Variants in VIT observed in about 807,000 individuals in gnomAD.
The protein encoded by VIT is vitrin.
Under a neutral mutation model 78.0 loss-of-function variants are expected in VIT, and 99 were observed. The observed-to-expected ratio is 1.27, with a 90% CI of 1.08 to 1.50. The LOEUF (loss-of-function observed/expected upper bound fraction) is 1.50, where lower values mean the gene tolerates loss of function less well. Among genes scored for constraint, VIT ranks in the 40% most tolerant of loss-of-function variants. The pLI is 0.00. For missense variants in VIT, 1,126 were observed against 875.3 expected, an observed-to-expected ratio of 1.29 and a Z score of -3.61; for synonymous variants, 374 against 334.3, an observed-to-expected ratio of 1.12 and a Z score of -1.29.
intron 1 of VIT, among the ~76,000 whole-genome samples, chr2:36,705,911 C>G (rs1665388829): frequency 1.3e-5 from 2 of 152,204 alleles, no homozygotes; most frequent in Non-Finnish European, 2.9e-5. Context: ...TATCTCCACT[C>G]TGGCCTCCAC....
At chr2:36,727,623 C>T (rs766914521) in intron 2 of VIT, among the ~76,000 whole-genome samples, 3 of 152,212 alleles carry the variant, frequency 2.0e-5, no homozygotes, top group Non-Finnish European at 4.4e-5. Flanking sequence ...TCAGCAGGGG[C>T]TGAGAAAAGT....
intron 15 of VIT, among the ~76,000 whole-genome samples, chr2:36,809,531 C>T (rs28535910): frequency 0.073 from 11,046 of 152,226 alleles, 441 homozygotes; most frequent in African/African-American, 0.11. Flanking sequence ...AATTCTCCTG[C>T]CTCAGCCTCC....
chr2:36,784,021 A>C (rs1664933708), intron 11 of VIT, among the ~76,000 whole-genome samples: 1 of 152,224 alleles, frequency 6.6e-6, no homozygotes, highest in Non-Finnish European at 1.5e-5. Flanking sequence ...CTATGGTTCG[A>C]AACCGAGGCT....
In VIT at chr2:36,808,576, C is replaced by CAGG. The variant is rs1558594707; in HGVS notation, c.1494_1495insAGG (p.Arg498dup). On this transcript the variant is annotated inframe_insertion, in exon 15 of 16. Transcript: ENST00000379242. Reference sequence around the variant, plus strand: ...TGAAGCGGGTCTGCGACACTGACCGCCTGGCCTGCAGCAAGACCTGCTTGA... The same window carrying CAGG: ...TGAAGCGGGTCTGCGACACTGACCGCAGGCTGGCCTGCAGCAAGACCTGCTTGA... 3.1e-6 allele frequency: 5 copies of CAGG among 1,614,042 alleles called. No individual in the cohort carries two copies. In the Admixed American group the frequency reaches 8.3e-5, roughly 27 times the overall value.
chr2:36,708,172 C>A (rs551811437), intron 1 of VIT, among the ~76,000 whole-genome samples: 1 of 151,550 alleles, frequency 6.6e-6, no homozygotes, highest in Non-Finnish European at 1.5e-5. Flanking sequence ...AACCCACATC[C>A]ACTGACAAGC....
chr2:36,799,991 T>A (rs879609601), intron 12 of VIT, among the ~76,000 whole-genome samples: 4 of 145,852 alleles, frequency 2.7e-5, no homozygotes, highest in Non-Finnish European at 4.4e-5. Flanking sequence ...GAGACTGCAG[T>A]GAGCCAAGAT....
intron 9 of VIT, among the ~76,000 whole-genome samples, chr2:36,776,903 C>A (rs200206015): frequency 1.5e-3 from 214 of 147,472 alleles, no homozygotes; most frequent in African/African-American, 3.5e-3. Context: ...TCCCGGCTAA[C>A]ACGGTGAAAC....
At chr2:36,715,142 T>G (rs1436370237) in intron 1 of VIT, among the ~76,000 whole-genome samples, 4 of 152,120 alleles carry the variant, frequency 2.6e-5, no homozygotes, top group Non-Finnish European at 4.4e-5. Context: ...TCTCTCTCCT[T>G]CTAAAATTTC....
At chr2:36,698,227 A>C (rs1367247968) in intron 1 of VIT, among the ~76,000 whole-genome samples, 1 of 152,262 alleles carries the variant, frequency 6.6e-6, no homozygotes, top group Admixed American at 6.5e-5. Flanking sequence ...CCACTAAAAA[A>C]AATAAAAATA....
At chr2:36,734,544 A>C (rs1667393228) in intron 3 of VIT, among the ~76,000 whole-genome samples, 1 of 152,148 alleles carries the variant, frequency 6.6e-6, no homozygotes, top group Admixed American at 6.5e-5. Flanking sequence ...TGCATAATCA[A>C]AGGCTGACCA....
chr2:36,769,803 A>G (rs13415447), intron 7 of VIT, among the ~76,000 whole-genome samples: 13,086 of 152,136 alleles, frequency 0.086, 748 homozygotes, highest in Non-Finnish European at 0.12. Context: ...TTCATCCCCC[A>G]AAAGAAATCC....
chr2:36,757,513 C>T (rs1328870349), intron 5 of VIT, among the ~76,000 whole-genome samples: 1 of 152,190 alleles, frequency 6.6e-6, no homozygotes, highest in African/African-American at 2.4e-5. Flanking sequence ...GTCTCTTCCT[C>T]GCTTTCTGCA....
chr2:36,781,643 C>A, intron 9 of VIT, 84 bp from the exon 10 acceptor site: 1 of 1,507,662 alleles, frequency 6.6e-7, no homozygotes, highest in Non-Finnish European at 9.2e-7. Context: ...ATTGGGAAAC[C>A]TTATCATCCC....
intron 2 of VIT, among the ~76,000 whole-genome samples, chr2:36,724,099 A>G (rs1234529153): frequency 6.6e-6 from 1 of 151,218 alleles, no homozygotes; most frequent in African/African-American, 2.4e-5. Flanking sequence ...GCTCATTGCA[A>G]CCTCCACCTT....
At chr2:36,788,560 G>T (rs6544039) in intron 12 of VIT, among the ~76,000 whole-genome samples, 108,330 of 152,110 alleles carry the variant, frequency 0.71, 38,849 homozygotes, top group East Asian at 0.81. Flanking sequence ...CAAGCTCAGG[G>T]GATCTATCTT....
chr2:36,721,080 G>C (rs905274874), intron 2 of VIT, among the ~76,000 whole-genome samples: 24 of 151,832 alleles, frequency 1.6e-4, no homozygotes, highest in Non-Finnish European at 3.1e-4. Flanking sequence ...GTACAGCACA[G>C]TGACTACAGC....
intron 4 of VIT, among the ~76,000 whole-genome samples, chr2:36,745,633 C>T (rs1668090973): frequency 6.6e-6 from 1 of 152,058 alleles, no homozygotes; most frequent in Admixed American, 6.5e-5. Context: ...TACAGAAATG[C>T]TACTGATTTT....
intron 7 of VIT, among the ~76,000 whole-genome samples, chr2:36,770,594 G>C (rs1270139768): frequency 6.6e-6 from 1 of 152,200 alleles, no homozygotes. Context: ...TCCTACAGGT[G>C]CAGGAAGGAG....
At chr2:36,734,990 C>T (rs931929253) in intron 3 of VIT, among the ~76,000 whole-genome samples, 2 of 152,010 alleles carry the variant, frequency 1.3e-5, no homozygotes, top group African/African-American at 4.8e-5. Flanking sequence ...ATGATGAAAC[C>T]CCGTCTCTAC....
Sources: gnomAD v4.1 joint callset for allele counts (sites outside exome capture counted in the v4.1 genomes callset) on GRCh38, gnomAD v4.1.1 for gene constraint, MANE v1.5 for transcripts, NCBI Gene and HGNC (gene_info 2026-07-23, HGNC 2026-07-21) for gene names.